POGZ: variants seen among roughly 807,000 people sequenced by gnomAD.
POGZ encodes pogo transposable element derived with ZNF domain, also known as pogo transposable element with ZNF domain.
In POGZ, 17 loss-of-function variants were observed where a neutral mutation model predicts 134.6. The ratio of observed to expected loss-of-function variants is 0.13; its 90% CI spans 0.09 to 0.19. The LOEUF (loss-of-function observed/expected upper bound fraction) is 0.19. Among genes scored for constraint, POGZ ranks in the 10% least tolerant of loss-of-function variants. The pLI is 1.00. For missense variants in POGZ, 1,306 were observed against 1,769.7 expected, an observed-to-expected ratio of 0.74 and a Z score of 4.70; for synonymous variants, 693 against 657.1, an observed-to-expected ratio of 1.05 and a Z score of -0.84.
At chr1:151,421,816 G>C (rs1422332916) in intron 10 of POGZ, among the ~76,000 whole-genome samples, 2 of 152,126 alleles carry the variant, frequency 1.3e-5, no homozygotes, top group Non-Finnish European at 2.9e-5. Context: ...GCAGTGGTGC[G>C]ATCTCAGCTC....
rs921538857 is a variant in POGZ at position 151,406,235 on chromosome 1, T to A, written c.2800A>T (p.Thr934Ser). The change falls in exon 19 of 19, where the codon ACA (threonine) becomes TCA (serine). Residue 934 changes from threonine to serine, a missense_variant. This residue lies in a region of POGZ where 214 missense variants were observed against 255.5 expected (regional missense o/e 0.84). Coordinates refer to ENST00000271715, the MANE Select transcript of POGZ (RefSeq NM_015100.4). ...PQALALPPLA[T>S]EGAECLNVDD... ...ACATTCAGACATTCGGCTCCCTCTGTAGCCAGCGGTGGAAGGGCTAAAGCC... is the reference window on the plus strand; with the variant it reads ...ACATTCAGACATTCGGCTCCCTCTGAAGCCAGCGGTGGAAGGGCTAAAGCC... 1.9e-6 allele frequency: 3 copies of A among 1,614,006 alleles called. No homozygotes were observed. In the African/African-American group the frequency reaches 4.0e-5, roughly 22 times the overall value.
intron 1 of POGZ, among the ~76,000 whole-genome samples, chr1:151,452,664 G>C (rs1267329371): frequency 6.6e-6 from 1 of 152,000 alleles, no homozygotes; most frequent in East Asian, 1.9e-4. Flanking sequence ...AGGAGTTCGA[G>C]ACCAGCCTGG....
intron 10 of POGZ, among the ~76,000 whole-genome samples, chr1:151,414,635 A>G (rs1438826394): frequency 6.6e-6 from 1 of 152,176 alleles, no homozygotes; most frequent in African/African-American, 2.4e-5. Context: ...ATACAAAATC[A>G]GCCGGGCACA....
At chr1:151,416,495 C>T (rs1371401853) in intron 10 of POGZ, among the ~76,000 whole-genome samples, 2 of 151,946 alleles carry the variant, frequency 1.3e-5, no homozygotes, top group African/African-American at 4.8e-5. Context: ...GGGTGAGATT[C>T]TGTCTCAAAA....
intron 3 of POGZ, among the ~76,000 whole-genome samples, chr1:151,431,636 C>G (rs1316488048): frequency 3.3e-5 from 5 of 152,038 alleles, no homozygotes; most frequent in African/African-American, 1.2e-4. Context: ...AAAAACTAAC[C>G]CACACCAAGT....
chr1:151,430,803 T>C lies in POGZ; in HGVS notation c.322A>G (p.Ile108Val), dbSNP rs1399896860. 2 of 1,589,788 alleles carry C rather than the reference T, an allele frequency of 1.3e-6. No homozygotes were observed. The highest frequency in any genetic ancestry group is 1.1e-5 in the South Asian group (1 of 88,424). Residue 108 changes from isoleucine to valine, a missense_variant, in exon 4 of 19, where the codon ATC (isoleucine) becomes GTC (valine). Physicochemically the swap from Ile to Val is conservative, Grantham distance 29. Coordinates refer to ENST00000271715, the MANE Select transcript of POGZ (RefSeq NM_015100.4). Reference protein sequence around the residue: ...PLVQQGGQPLILTQNPAPGLG... With the variant: ...PLVQQGGQPLVLTQNPAPGLG... ...CCTGGGGCTGGATTCTGGGTCAGGATGAGTGGCTGTCCACCTTGCTGGACC... is the reference window on the plus strand; with the variant it reads ...CCTGGGGCTGGATTCTGGGTCAGGACGAGTGGCTGTCCACCTTGCTGGACC...
intron 1 of POGZ, among the ~76,000 whole-genome samples, chr1:151,452,097 CAA>C (rs574531921): frequency 0.01 from 614 of 58,948 alleles, 5 homozygotes; most frequent in African/African-American, 0.035. Context: ...GACTCCGTCT[CAA>C]AAAAAAAAAA....
chr1:151,421,948 T>C (rs1488856647), intron 10 of POGZ, among the ~76,000 whole-genome samples: 4 of 152,152 alleles, frequency 2.6e-5, no homozygotes, highest in African/African-American at 9.7e-5. Context: ...AGATGTGGTT[T>C]TGCCATGTTG....
At chr1:151,428,828 A>G (rs1461220786) in intron 5 of POGZ, among the ~76,000 whole-genome samples, 1 of 152,214 alleles carries the variant, frequency 6.6e-6, no homozygotes. Flanking sequence ...CTATCAACTC[A>G]GAAGACAGAC....
At position 151,410,903 on chromosome 1, in the gene POGZ, T is replaced by C. The variant is rs115742320; in HGVS notation, c.1926+722A>G. ...CTTCACCTAATCCATCTCTACATCA[T>C]AAATATCACAAATCTTCTGAATATC... On this transcript the variant is annotated intron_variant, in intron 12 of 18. Transcript: ENST00000271715. 8.2e-3 allele frequency among the ~76,000 whole-genome samples: 1,256 copies of C among 152,318 alleles called. 10 individuals carry two copies. Among genetic ancestry groups the C allele is most frequent in the Non-Finnish European group, 0.012 (846 of 68,036 alleles).
chr1:151,421,718 G>GT (rs1656949491), intron 10 of POGZ, among the ~76,000 whole-genome samples: 1 of 152,144 alleles, frequency 6.6e-6, no homozygotes, highest in Non-Finnish European at 1.5e-5. Flanking sequence ...ATCCATTTCT[G>GT]TATCTCTCAG....
At chr1:151,412,542 C>A in intron 10 of POGZ, 146 bp from the exon 11 acceptor site, 1 of 589,464 alleles carries the variant, frequency 1.7e-6, no homozygotes, top group Non-Finnish European at 3.0e-6. Context: ...CTTTAAATGG[C>A]TCCACCTTAA....
chr1:151,437,353 A>T (rs561725476), intron 3 of POGZ, among the ~76,000 whole-genome samples: 1 of 152,192 alleles, frequency 6.6e-6, no homozygotes, highest in African/African-American at 2.4e-5. Context: ...TATTTGGTTT[A>T]AGAAATCTTT....
chr1:151,404,764 TC>T lies in POGZ; in HGVS notation c.*37del. 1.9e-6 allele frequency: 3 copies of T among 1,548,966 alleles called. No homozygotes were observed. The highest frequency in any genetic ancestry group is 2.6e-6 in the Non-Finnish European group (3 of 1,147,588). Reference sequence around the variant, plus strand: ...AGCCCCTTTACCCTCCCTCACATGTTCCCACCCTCACTCCACACCCCCTCAT... The same window carrying T: ...AGCCCCTTTACCCTCCCTCACATGTTCCACCCTCACTCCACACCCCCTCAT... On this transcript the variant is annotated 3_prime_UTR_variant, in exon 19 of 19. Transcript: ENST00000271715.
At chr1:151,443,118 C>G (rs1307004788) in intron 1 of POGZ, among the ~76,000 whole-genome samples, 1 of 152,160 alleles carries the variant, frequency 6.6e-6, no homozygotes, top group Non-Finnish European at 1.5e-5. Flanking sequence ...AGTGCAGGAT[C>G]GGATTCAGTC....
At chr1:151,445,001 C>T (rs184443373) in intron 1 of POGZ, among the ~76,000 whole-genome samples, 16 of 152,072 alleles carry the variant, frequency 1.1e-4, no homozygotes, top group Non-Finnish European at 1.9e-4. Flanking sequence ...TGCAGTGGTG[C>T]CACTGCACTC....
chr1:151,442,696 G>A (rs1433093673), intron 1 of POGZ, among the ~76,000 whole-genome samples: 1 of 126,932 alleles, frequency 7.9e-6, no homozygotes, highest in Non-Finnish European at 1.7e-5. Flanking sequence ...GGGGGACAGA[G>A]TGAGACTCTG....
intron 1 of POGZ, among the ~76,000 whole-genome samples, chr1:151,458,448 G>A (rs900320177): frequency 2.6e-5 from 4 of 151,978 alleles, no homozygotes; most frequent in African/African-American, 7.2e-5. Context: ...TAAGGCTTAG[G>A]ATGTACTATT....
chr1:151,458,573 G>A (rs112526645), intron 1 of POGZ, among the ~76,000 whole-genome samples: 1,652 of 150,688 alleles, frequency 0.011, 34 homozygotes, highest in African/African-American at 0.038. Flanking sequence ...GGCGGGGAGG[G>A]CCGCGCACCC....
Sources: allele counts gnomAD v4.1 joint callset (sites outside exome capture counted in the v4.1 genomes callset), GRCh38; gene constraint gnomAD v4.1.1; regional missense constraint gnomAD v4.1.1; transcripts MANE v1.5; gene names NCBI Gene and HGNC (gene_info 2026-07-23, HGNC 2026-07-21).